The following EPS8L1 variants were observed in gnomAD, a reference collection of about 807,000 sequenced individuals.
EPS8L1 encodes epidermal growth factor receptor kinase substrate 8-like protein 1.
A neutral mutation model predicts 91.7 loss-of-function variants in EPS8L1; 101 were observed. The observed-to-expected ratio is 1.10, with a 90% CI of 0.94 to 1.30. The LOEUF (loss-of-function observed/expected upper bound fraction) is 1.30. EPS8L1 is among the 50% of genes most tolerant of loss of function. EPS8L1 has a pLI of 0.00. For missense variants in EPS8L1, 1,114 were observed against 1,017.0 expected, an observed-to-expected ratio of 1.10 and a Z score of -1.30; for synonymous variants, 506 against 445.3, an observed-to-expected ratio of 1.14 and a Z score of -1.72.
chr19:55,079,174 G>T, intron 4 of EPS8L1, 117 bp downstream of exon 4: 1 of 1,117,404 alleles, frequency 8.9e-7, no homozygotes, highest in Non-Finnish European at 1.4e-6. Context: ...AAGTCAGTTT[G>T]CCCATCCATA....
rs1951647777 is a variant in EPS8L1, at chr19:55,081,743, C to G, written c.775-30C>G. The stretch of plus-strand genomic sequence containing the variant: ...CGGGGATGGTTTTGGAACTCGGGAG[C>G]CCTGAGCGTCCCCCTCCTCTGTCCC... On this transcript the variant is annotated intron_variant, in intron 8 of 19. Coordinates refer to ENST00000201647, the MANE Select transcript of EPS8L1 (RefSeq NM_133180.3). The surrounding 1 kb of genome is among the most constrained non-coding windows in gnomAD (Gnocchi z 4.9). The G allele has an allele frequency of 6.3e-7, 1 of 1,580,808 alleles. No homozygotes were observed. Among genetic ancestry groups the G allele is most frequent in the Non-Finnish European group, 8.6e-7 (1 of 1,160,986 alleles).
chr19:55,080,895 T>A, intron 7 of EPS8L1, 41 bp downstream of exon 7: 2 of 1,540,712 alleles, frequency 1.3e-6, no homozygotes, highest in Non-Finnish European at 1.8e-6. Context: ...GGAAGCCGGT[T>A]TCCCCTCCTT....
Position 55,082,364 on chromosome 19 carries a change from A to G in EPS8L1, c.1065+15A>G. 5 of 1,612,598 alleles carry G rather than the reference A, an allele frequency of 3.1e-6. No homozygotes were observed. The highest frequency in any genetic ancestry group is 1.1e-5 in the South Asian group (1 of 91,048). On this transcript the variant is annotated intron_variant, in intron 11 of 19. Transcript: ENST00000201647. The stretch of plus-strand genomic sequence containing the variant: ...CTCTGCAGATGGTGAGACCCGCCCC[A>G]GGCCCTCGGGCCCCCCTGCAGCGGG...
rs1602959927 is a variant in EPS8L1, at chr19:55,087,809, G to T, written c.*195G>T. ...GAGAGGATCTGGACTGGCTGGGAGT[G>T]GGGAGGGCGTGGAGACAGTCTACGG... On this transcript the variant is annotated 3_prime_UTR_variant, in exon 20 of 20. Coordinates refer to ENST00000201647, the MANE Select transcript of EPS8L1 (RefSeq NM_133180.3). The T allele has an allele frequency of 2.7e-5, 17 of 633,364 alleles. No individual in the cohort carries two copies. In the East Asian group the frequency reaches 4.8e-4, roughly 18 times the overall value. The allele number at this position is 633,364 out of a possible 1,614,324, so 39.2% of individuals were successfully genotyped here. A position where few individuals can be genotyped will look rare whatever the true frequency, so the allele number is the denominator to read the frequency against.
chr19:55,076,594 G>A (rs2147120737), intron 2 of EPS8L1, 133 bp downstream of exon 2: 3 of 1,115,058 alleles, frequency 2.7e-6, no homozygotes, highest in East Asian at 5.2e-5. Context: ...CCGACACTCA[G>A]GAGGAAGCCA....
intron 9 of EPS8L1, 26 bp from the exon 10 acceptor site, chr19:55,082,066 T>A: frequency 1.3e-6 from 2 of 1,563,366 alleles, no homozygotes; most frequent in Non-Finnish European, 1.7e-6. Flanking sequence ...CGCGTCCCCA[T>A]CGCCGCGCCC....
intron 19 of EPS8L1, 39 bp downstream of exon 19, chr19:55,087,474 G>C: frequency 6.2e-7 from 1 of 1,614,074 alleles, no homozygotes; most frequent in Non-Finnish European, 8.5e-7. Context: ...GGGTAGGGTT[G>C]GGATGACGAG....
chr19:55,077,032 C>G (rs1466653832), intron 2 of EPS8L1, among the ~76,000 whole-genome samples: 4 of 152,152 alleles, frequency 2.6e-5, no homozygotes, highest in Admixed American at 6.5e-5. Flanking sequence ...TGACATCAGA[C>G]TGGCAGGAGC....
chr19:55,087,413 C>A lies in EPS8L1; in HGVS notation c.2063C>A (p.Thr688Asn). ...EEGARVYSQV[T>N]VQRSLLEDKE... ...GGGGCACGTGTGTACAGCCAGGTCA[C>A]CGTGCAGCGCTCGCTGCTGGAGGTG... The change falls in exon 19 of 20, where the codon ACC becomes AAC. Residue 688 changes from threonine (T) to asparagine (N), a missense_variant. Coordinates refer to ENST00000201647, the MANE Select transcript of EPS8L1 (RefSeq NM_133180.3). 3 of 1,614,102 alleles carry A rather than the reference C, an allele frequency of 1.9e-6. No homozygotes were observed. The highest frequency in any genetic ancestry group is 2.5e-6 in the Non-Finnish European group (3 of 1,180,014).
At chr19:55,082,969 C>T (rs933708841) in intron 12 of EPS8L1, among the ~76,000 whole-genome samples, 1 of 152,100 alleles carries the variant, frequency 6.6e-6, no homozygotes, top group South Asian at 2.1e-4. Flanking sequence ...TGCGGGCTGG[C>T]AGTTCCGCAG....
In EPS8L1 at chr19:55,086,389, C is replaced by A; in HGVS notation, c.1651-3C>A. 6.3e-7 allele frequency: 1 copy of A among 1,582,028 alleles called. No homozygotes were observed. On this transcript the variant is annotated splice_polypyrimidine_tract_variant and splice_region_variant and intron_variant, in intron 16 of 19. Transcript: ENST00000201647. ...CCAGGTACTCTCCTCTCCTTCCTTTCAGAACAGCACTCCTCCTCCACCACC... is the reference window on the plus strand; with the variant it reads ...CCAGGTACTCTCCTCTCCTTCCTTTAAGAACAGCACTCCTCCTCCACCACC...
rs2076263608 is a variant in EPS8L1 at position 55,081,609 on chromosome 19, T to C, written c.774+117T>C. ...GTTCTCTGGTCAGACTTCTGCGTTA[T>C]GGAAGAGGGGCTGGGTCGGGGGCGG... On this transcript the variant is annotated intron_variant, in intron 8 of 19. Coordinates refer to ENST00000201647, the MANE Select transcript of EPS8L1 (RefSeq NM_133180.3). This position sits in a 1 kb window ranked among gnomAD's most constrained non-coding sequence, Gnocchi z 4.9. 1.6e-5 allele frequency: 8 copies of C among 495,866 alleles called. No individual in the cohort carries two copies. Among genetic ancestry groups the C allele is most frequent in the African/African-American group, 3.0e-5 (1 of 33,704 alleles). 30.7% of individuals were successfully genotyped at this position (495,866 alleles called of 1,614,324 possible).
At chr19:55,079,648 C>A in intron 4 of EPS8L1, 42 bp from the exon 5 acceptor site, 1 of 1,591,382 alleles carries the variant, frequency 6.3e-7, no homozygotes, top group Non-Finnish European at 8.6e-7. Context: ...GCCCACCTGG[C>A]ATCATCTTGG....
In EPS8L1 at chr19:55,087,448, G is replaced by A; in HGVS notation, c.2085+13G>A. ...CTCGCTGCTGGAGGTGAGCCGGACC[G>A]CTGGTCCCTGGGTCTGGGTAGGGTT... is the stretch of plus-strand genomic sequence containing the variant. On this transcript the variant is annotated intron_variant, in intron 19 of 19. Coordinates refer to ENST00000201647, the MANE Select transcript of EPS8L1 (RefSeq NM_133180.3). 1 of 1,614,184 alleles carries A rather than the reference G, an allele frequency of 6.2e-7. No individual in the cohort carries two copies. Among genetic ancestry groups the A allele is most frequent in the Non-Finnish European group, 8.5e-7 (1 of 1,180,030 alleles).
At chr19:55,086,019 C>T in intron 15 of EPS8L1, 42 bp from the exon 16 acceptor site, 2 of 1,600,830 alleles carry the variant, frequency 1.2e-6, no homozygotes, top group Non-Finnish European at 1.7e-6. Flanking sequence ...CCAGCCCTAG[C>T]TGCAGACAGG....
chr19:55,082,343 G>A lies in EPS8L1; in HGVS notation c.1059G>A (p.Leu353=), dbSNP rs2076285794. 1 of 1,612,586 alleles carries A rather than the reference G, an allele frequency of 6.2e-7. No homozygotes were observed. Residue 353 remains leucine (L), a synonymous_variant, in exon 11 of 20, where the codon CTG becomes CTA. Transcript: ENST00000201647. ...TGTTGCACTTCCTTTTCGGGCCTCT[G>A]CAGATGGTGAGACCCGCCCCAGGCC... The part of the protein sequence containing the change: ...PELLHFLFGP[L]QMIVNTSGGP...
At chr19:55,084,118 GC>G (rs1156615272) in intron 14 of EPS8L1, 7 of 252,454 alleles carry the variant, frequency 2.8e-5, no homozygotes. Context: ...ACCCAGAGGA[GC>G]AGGCTTGGGA....
chr19:55,076,545 C>G (rs2147120523), intron 2 of EPS8L1, 84 bp downstream of exon 2: 17 of 1,502,054 alleles, frequency 1.1e-5, no homozygotes, highest in Non-Finnish European at 1.5e-5. Context: ...CTTGCGGCAG[C>G]CCAGACTGTT....
chr19:55,076,357 G>A, intron 1 of EPS8L1, 51 bp from the exon 2 acceptor site: 1 of 1,529,276 alleles, frequency 6.5e-7, no homozygotes, highest in Non-Finnish European at 8.9e-7. Flanking sequence ...GGCTGGGGTA[G>A]GAATTAGAGG....
Sources: allele counts gnomAD v4.1 joint callset (sites outside exome capture counted in the v4.1 genomes callset), GRCh38; gene constraint gnomAD v4.1.1; non-coding constraint Gnocchi (gnomAD v3.1); transcripts MANE v1.5; gene names NCBI Gene and HGNC (gene_info 2026-07-23, HGNC 2026-07-21).